ITGA9: variants seen among roughly 807,000 people sequenced by gnomAD.
The protein encoded by ITGA9 is integrin subunit alpha 9.
ITGA9 carries 56 observed loss-of-function variants against 127.8 expected under a neutral mutation model. That is an observed-to-expected ratio of 0.44 (90% CI 0.35 to 0.55). The LOEUF (loss-of-function observed/expected upper bound fraction) is 0.55. Ranked by LOEUF, ITGA9 falls within the 20% of genes least tolerant of loss-of-function variation. ITGA9 has a pLI of 0.00. For missense variants in ITGA9, 1,196 were observed against 1,347.1 expected, an observed-to-expected ratio of 0.89 and a Z score of 1.76; for synonymous variants, 508 against 514.5, an observed-to-expected ratio of 0.99 and a Z score of 0.17.
At chr3:37,491,974 G>A (rs1698678233) in intron 4 of ITGA9, among the ~76,000 whole-genome samples, 1 of 152,178 alleles carries the variant, frequency 6.6e-6, no homozygotes, top group African/African-American at 2.4e-5. Flanking sequence ...GGCCTAGGCT[G>A]TGGAAGGTGT....
At chr3:37,618,995 G>T (rs749194539) in intron 15 of ITGA9, among the ~76,000 whole-genome samples, 1 of 152,294 alleles carries the variant, frequency 6.6e-6, no homozygotes, top group East Asian at 1.9e-4. Context: ...ACACTCCCCA[G>T]TGAGGTGAAC....
intron 8 of ITGA9, among the ~76,000 whole-genome samples, chr3:37,512,199 CT>C (rs1698937451): frequency 6.3e-5 from 3 of 47,252 alleles, no homozygotes; most frequent in African/African-American, 2.7e-4. Context: ...CTTTTCTTTT[CT>C]TTTCTTTTCT....
At chr3:37,729,485 T>C (rs1455332925) in intron 18 of ITGA9, among the ~76,000 whole-genome samples, 1 of 152,128 alleles carries the variant, frequency 6.6e-6, no homozygotes, top group Non-Finnish European at 1.5e-5. Context: ...CAGAAATAGT[T>C]AAATAAATGC....
At chr3:37,521,303 CA>C (rs1699042078) in intron 11 of ITGA9, among the ~76,000 whole-genome samples, 1 of 152,168 alleles carries the variant, frequency 6.6e-6, no homozygotes, top group Non-Finnish European at 1.5e-5. Flanking sequence ...CAACTCTGGG[CA>C]ATGGAATCAC....
At chr3:37,580,509 A>G (rs1184771591) in intron 15 of ITGA9, among the ~76,000 whole-genome samples, 1 of 152,140 alleles carries the variant, frequency 6.6e-6, no homozygotes, top group Non-Finnish European at 1.5e-5. Flanking sequence ...AAAGGGGAAA[A>G]ATCACTGTTG....
chr3:37,535,133 A>G (rs4678568), intron 14 of ITGA9, among the ~76,000 whole-genome samples: 2,903 of 152,354 alleles, frequency 0.019, 222 homozygotes, highest in Admixed American at 0.12. Context: ...CATTTGACAC[A>G]TGCTTATTAT....
intron 26 of ITGA9, among the ~76,000 whole-genome samples, chr3:37,791,235 T>A (rs1697105936): frequency 6.6e-6 from 1 of 152,214 alleles, no homozygotes. Flanking sequence ...CGTCTCAGTC[T>A]GTGTGAGAAG....
intron 17 of ITGA9, among the ~76,000 whole-genome samples, chr3:37,668,638 G>T (rs1454510951): frequency 6.6e-6 from 1 of 152,142 alleles, no homozygotes; most frequent in Admixed American, 6.5e-5. Flanking sequence ...GTTACTGTGG[G>T]CCAAGCCAAA....
At chr3:37,783,731 T>C (rs1177321053) in intron 25 of ITGA9, among the ~76,000 whole-genome samples, 1 of 152,210 alleles carries the variant, frequency 6.6e-6, no homozygotes, top group African/African-American at 2.4e-5. Context: ...AAAAGATTAT[T>C]TGTTGCTTAA....
At chr3:37,785,834 C>T (rs1268689902) in intron 26 of ITGA9, among the ~76,000 whole-genome samples, 1 of 152,110 alleles carries the variant, frequency 6.6e-6, no homozygotes, top group African/African-American at 2.4e-5. Flanking sequence ...GACCTAGTAA[C>T]TGCTCTTTAA....
chr3:37,460,268 A>G (rs1698302392), intron 1 of ITGA9, among the ~76,000 whole-genome samples: 1 of 152,244 alleles, frequency 6.6e-6, no homozygotes, highest in Admixed American at 6.5e-5. Context: ...GTGACCAACA[A>G]TATGTGAGAG....
chr3:37,534,851 T>C (rs1699193137), intron 14 of ITGA9, among the ~76,000 whole-genome samples: 1 of 152,206 alleles, frequency 6.6e-6, no homozygotes, highest in South Asian at 2.1e-4. Flanking sequence ...TTATGATACT[T>C]AGTTTTGCTT....
intron 15 of ITGA9, among the ~76,000 whole-genome samples, chr3:37,598,439 G>T (rs371835047): frequency 3.3e-5 from 5 of 152,180 alleles, no homozygotes; most frequent in South Asian, 2.1e-4. Context: ...GGAAGGGAGA[G>T]ATTTATTTTA....
At chr3:37,634,398 A>G in intron 16 of ITGA9, among the ~76,000 whole-genome samples, 1 of 152,156 alleles carries the variant, frequency 6.6e-6, no homozygotes, top group Non-Finnish European at 1.5e-5. Context: ...ACATAAAATG[A>G]AAGCAAAGGG....
intron 15 of ITGA9, chr3:37,573,351 C>T (rs1252625969): frequency 6.6e-6 from 1 of 152,172 alleles, no homozygotes; most frequent in Non-Finnish European, 1.5e-5. Context: ...GTCCCAGTTA[C>T]TCTAGCTCTG....
Position 37,556,691 on chromosome 3 carries a change from G to A in ITGA9, c.1689+14106G>A, listed in dbSNP as rs534441693. Among the ~76,000 whole-genome samples, 131 of 152,334 alleles carry A rather than the reference G, an allele frequency of 8.6e-4. 2 individuals are homozygous for A. The South Asian group carries it at 9.7e-3, about 11-fold the overall frequency. On this transcript the variant is annotated intron_variant, in intron 15 of 27. Transcript: ENST00000264741. ...GTGCTGCTGGTCCATAGACCACAAA[G>A]CAAGGAGCTCGAAGACATAGATACC... is the stretch of plus-strand genomic sequence containing the variant.
At chr3:37,802,060 G>T (rs1263516720) in intron 26 of ITGA9, among the ~76,000 whole-genome samples, 1 of 152,184 alleles carries the variant, frequency 6.6e-6, no homozygotes, top group Non-Finnish European at 1.5e-5. Context: ...GACAAGCTCA[G>T]ATTTGGGGGT....
chr3:37,589,118 T>C (rs959578319), intron 15 of ITGA9, among the ~76,000 whole-genome samples: 3 of 152,224 alleles, frequency 2.0e-5, no homozygotes, highest in African/African-American at 7.2e-5. Context: ...GATAAAATGG[T>C]ATCTGTAGGT....
At chr3:37,479,800 C>T (rs1315259035) in intron 3 of ITGA9, among the ~76,000 whole-genome samples, 1 of 152,128 alleles carries the variant, frequency 6.6e-6, no homozygotes. Context: ...GTTTGCAGCA[C>T]TTACTAGCTC....
Sources: gnomAD v4.1 joint callset for allele counts (sites outside exome capture counted in the v4.1 genomes callset) on GRCh38, gnomAD v4.1.1 for gene constraint, MANE v1.5 for transcripts, NCBI Gene and HGNC (gene_info 2026-07-23, HGNC 2026-07-21) for gene names.